The following RNF17 variants were observed in gnomAD, a reference collection of about 807,000 sequenced individuals.
RNF17 encodes ring finger protein 17.
RNF17 carries 31 observed loss-of-function variants against 200.5 expected under a neutral mutation model. That is an observed-to-expected ratio of 0.15 (90% confidence interval 0.12 to 0.21). The LOEUF (loss-of-function observed/expected upper bound fraction) is 0.21, where lower values mean the gene tolerates loss of function less well. Among genes scored for constraint, RNF17 ranks in the 10% least tolerant of loss-of-function variants. RNF17 has a pLI of 1.00. For missense variants in RNF17, 1,628 were observed against 1,905.1 expected (o/e 0.85, Z 2.71); for synonymous variants, 606 against 637.8 (o/e 0.95, Z 0.75).
At chr13:24,787,032 C>A (rs1412072300) in intron 6 of RNF17, among the ~76,000 whole-genome samples, 1 of 151,940 alleles carries the variant, frequency 6.6e-6, no homozygotes, top group Non-Finnish European at 1.5e-5. Context: ...TTTCAGGCTT[C>A]ATTATTTTAA....
At position 24,844,023 on chromosome 13, in the gene RNF17, CTTTA is replaced by C. The variant is rs767122001; in HGVS notation, c.2831+55_2831+58del. On this transcript the variant is annotated intron_variant, in intron 20 of 35. Coordinates refer to ENST00000255324, the MANE Select transcript of RNF17 (RefSeq NM_031277.3). ...GGAAAATATTGCATATGATTTTATC[CTTTA>C]TTCTGTTTCAAAGATCTAGAAGTCA... The C allele has an allele frequency of 1.1e-5, 6 of 571,390 alleles. No individual in the cohort carries two copies. In the South Asian group the frequency reaches 3.1e-4, roughly 29 times the overall value. 35.4% of individuals were successfully genotyped at this position (571,390 alleles called of 1,614,324 possible). A position where few individuals can be genotyped will look rare whatever the true frequency, so the allele number is the denominator to read the frequency against.
chr13:24,789,243 A>T (rs1883529083), intron 7 of RNF17, 105 bp from the exon 8 acceptor site: 3 of 752,996 alleles, frequency 4.0e-6, no homozygotes, highest in Non-Finnish European at 6.8e-6. Flanking sequence ...TGAATGCAAT[A>T]ATTAATGAAA....
intron 25 of RNF17, among the ~76,000 whole-genome samples, chr13:24,855,847 T>C (rs1892419177): frequency 1.3e-5 from 2 of 152,198 alleles, no homozygotes; most frequent in South Asian, 4.1e-4. Flanking sequence ...TGACTTCTTA[T>C]GGCGTAAACA....
At chr13:24,870,829 C>A in intron 32 of RNF17, 90 bp downstream of exon 32, 1 of 962,068 alleles carries the variant, frequency 1.0e-6, no homozygotes, top group Non-Finnish European at 1.5e-6. Flanking sequence ...ATCTCTAATG[C>A]TGATATTTTC....
intron 15 of RNF17, among the ~76,000 whole-genome samples, chr13:24,819,431 C>T (rs1000873258): frequency 6.6e-6 from 1 of 152,146 alleles, no homozygotes; most frequent in African/African-American, 2.4e-5. Context: ...CTTCATTTGT[C>T]AGTGGACATT....
intron 20 of RNF17, among the ~76,000 whole-genome samples, chr13:24,844,290 T>A (rs1358776986): frequency 6.6e-6 from 1 of 151,744 alleles, no homozygotes; most frequent in Non-Finnish European, 1.5e-5. Context: ...GGAGAGAGAG[T>A]GAACATATAA....
At chr13:24,871,376 C>T (rs539023954) in intron 32 of RNF17, among the ~76,000 whole-genome samples, 4 of 152,140 alleles carry the variant, frequency 2.6e-5, no homozygotes, top group Admixed American at 6.5e-5. Flanking sequence ...CTCGTTTTGT[C>T]GCCCAAGCTG....
intron 1 of RNF17, among the ~76,000 whole-genome samples, chr13:24,766,218 G>GAATA (rs772350370): frequency 1.3e-5 from 2 of 152,162 alleles, no homozygotes; most frequent in African/African-American, 2.4e-5. Flanking sequence ...ATGAATGGAT[G>GAATA]AATAAATAAA....
intron 28 of RNF17, among the ~76,000 whole-genome samples, chr13:24,864,580 T>A (rs1893434081): frequency 6.6e-6 from 1 of 152,218 alleles, no homozygotes; most frequent in Non-Finnish European, 1.5e-5. Flanking sequence ...TTTATTAGTA[T>A]CATCTAAAGG....
chr13:24,883,077 T>A (rs1953906950), downstream of RNF17: 1 of 1,067,042 alleles, frequency 9.4e-7, no homozygotes, highest in Admixed American at 1.8e-5. Flanking sequence ...TCTAATCTTT[T>A]CCCCACACAT....
In RNF17 at chr13:24,825,475, ATAAAT is replaced by A. The variant is rs1156598543; in HGVS notation, c.2092-141_2092-137del. 3.0e-5 allele frequency: 19 copies of A among 641,262 alleles called. No homozygotes were observed. The South Asian group carries it at 3.7e-4, about 12-fold the overall frequency. The allele number at this position is 641,262 out of a possible 1,614,324, so 39.7% of individuals were successfully genotyped here. On this transcript the variant is annotated intron_variant, in intron 15 of 35. Transcript: ENST00000255324. Reference sequence around the variant, plus strand: ...TGGTTCTGCAATAAAATTTTGTAAAATAAATTACGTAACACAATTGATAGATTTAC... The same window carrying A: ...TGGTTCTGCAATAAAATTTTGTAAAATACGTAACACAATTGATAGATTTAC...
In RNF17 at chr13:24,820,408, C is replaced by T. The variant is rs1887909721; in HGVS notation, c.2092-5211C>T. On this transcript the variant is annotated intron_variant, in intron 15 of 35. Transcript: ENST00000255324. ...AAGTGCTGGGATTACAGGCATGAGC[C>T]ACCGCACCTGGCCTTTTTGTTTTGT... 2.0e-5 allele frequency among the ~76,000 whole-genome samples: 3 copies of T among 151,930 alleles called. No homozygotes were observed. The South Asian group carries it at 6.2e-4, about 32-fold the overall frequency.
chr13:24,883,904 A>C (rs972125721), downstream of RNF17: 12 of 1,609,876 alleles, frequency 7.5e-6, no homozygotes, highest in African/African-American at 1.3e-5. Flanking sequence ...GCACCTTCTG[A>C]GCACAGATGA....
chr13:24,883,003 G>A (rs1953905034), downstream of RNF17: 19 of 624,038 alleles, frequency 3.0e-5, no homozygotes, highest in South Asian at 3.6e-4. Flanking sequence ...ATAAATGAGA[G>A]CTATCATTGC....
In RNF17 at chr13:24,799,570, C is replaced by A. The variant is rs1314978672; in HGVS notation, c.1575C>A (p.Val525=). The A allele has an allele frequency of 1.3e-6, 2 of 1,597,736 alleles. No homozygotes were observed. Residue 525 remains valine, a synonymous_variant, in exon 12 of 36, where the codon GTC becomes GTA. Coordinates refer to ENST00000255324, the MANE Select transcript of RNF17 (RefSeq NM_031277.3). ...TGGTAGATTTTGGAAATTCTGAAGT[C>A]CTGATTGTCACTGGGTATGATATTT... The part of the protein sequence containing the change: ...IFMVDFGNSE[V]LIVTGVVDTH...
rs73162071 is a variant in RNF17 at position 24,852,714 on chromosome 13, A to T, written c.3321-1141A>T. Reference sequence around the variant, plus strand: ...ATTGCTTTGCCTTTAGGCTAAGGCAATTCCTTGATAGAAGAAATGTTAGAA... The same window carrying T: ...ATTGCTTTGCCTTTAGGCTAAGGCATTTCCTTGATAGAAGAAATGTTAGAA... On this transcript the variant is annotated intron_variant, in intron 24 of 35. Coordinates refer to ENST00000255324, the MANE Select transcript of RNF17 (RefSeq NM_031277.3). Among the ~76,000 whole-genome samples the T allele has an allele frequency of 5.1e-3, 772 of 152,304 alleles. 4 individuals are homozygous for T. Among genetic ancestry groups the T allele is most frequent in the Non-Finnish European group, 6.5e-3 (441 of 68,024 alleles).
downstream of RNF17, chr13:24,883,448 GCC>G: frequency 1.7e-6 from 2 of 1,180,992 alleles, no homozygotes; most frequent in Non-Finnish European, 2.4e-6. Flanking sequence ...CTGAAAAGTA[GCC>G]TTTTGAGTCT....
In RNF17 at chr13:24,793,087, A is replaced by G. The variant is rs759845814; in HGVS notation, c.981A>G (p.Lys327=). 4 of 1,594,846 alleles carry G rather than the reference A, an allele frequency of 2.5e-6. No homozygotes were observed. The Admixed American group carries it at 7.2e-5, about 29-fold the overall frequency. Residue 327 remains lysine, a synonymous_variant, in exon 10 of 36, where the codon AAA becomes AAG. Transcript: ENST00000255324. ...AAATTAGACAGAATGTTCAAAAGAAATATAATAACAAAAAGGAACTTTCTT... is the reference window on the plus strand; with the variant it reads ...AAATTAGACAGAATGTTCAAAAGAAGTATAATAACAAAAAGGAACTTTCTT... ...ENEIRQNVQK[K]YNNKKELSCY...
intron 15 of RNF17, among the ~76,000 whole-genome samples, chr13:24,815,526 G>C (rs1446112155): frequency 6.6e-6 from 1 of 151,316 alleles, no homozygotes; most frequent in East Asian, 1.9e-4. Flanking sequence ...CATGAACAGA[G>C]ATATTTATAC....
Sources: allele counts gnomAD v4.1 joint callset (sites outside exome capture counted in the v4.1 genomes callset), GRCh38; gene constraint gnomAD v4.1.1; transcripts MANE v1.5; gene names NCBI Gene and HGNC (gene_info 2026-07-23, HGNC 2026-07-21).